Variants in ZMAT3 observed in about 807,000 individuals in gnomAD.
The protein encoded by ZMAT3 is zinc finger matrin-type protein 3.
In ZMAT3, 17 loss-of-function variants were observed where a neutral mutation model predicts 32.3. The observed-to-expected ratio is 0.53, with a 90% confidence interval of 0.36 to 0.79. The LOEUF is 0.79. ZMAT3 is among the 30% of genes least tolerant of loss of function. ZMAT3 has a pLI of 0.00. For synonymous variants in ZMAT3, 120 were observed against 133.1 expected (o/e 0.90, Z 0.68); for missense variants, 329 against 359.7 (o/e 0.91, Z 0.69).
intron 2 of ZMAT3, among the ~76,000 whole-genome samples, chr3:179,036,969 T>C (rs1458549683): frequency 1.3e-5 from 2 of 152,080 alleles, no homozygotes; most frequent in Non-Finnish European, 2.9e-5. Context: ...TCTGAGCCCA[T>C]AAAAATCCCA....
In ZMAT3 at chr3:179,020,563, A is replaced by T. The variant is rs1296430461; in HGVS notation, c.*4454T>A. The T allele has an allele frequency of 6.6e-6, 1 of 152,250 alleles. No individual in the cohort carries two copies. The highest frequency in any genetic ancestry group is 2.4e-5 in the African/African-American group (1 of 41,476). The allele number at this position is 152,250 out of a possible 1,614,324, so 9.4% of individuals were successfully genotyped here. The stretch of plus-strand genomic sequence containing the variant: ...AAACATCTGTTCAAAAGCCTGCATT[A>T]AACTTTTATCTGTCCTGACAAAACA... On this transcript the variant is annotated 3_prime_UTR_variant, in exon 6 of 6. Transcript: ENST00000311417.
At chr3:179,071,178 G>A (rs1721692954) in intron 1 of ZMAT3, 3 of 152,254 alleles carry the variant, frequency 2.0e-5, no homozygotes, top group Non-Finnish European at 4.4e-5. Context: ...TGGTGAATTG[G>A]CGAATGTTTT....
intron 2 of ZMAT3, among the ~76,000 whole-genome samples, chr3:179,037,020 C>A (rs913571245): frequency 1.3e-5 from 2 of 152,226 alleles, no homozygotes; most frequent in Non-Finnish European, 2.9e-5. Context: ...TGGGTCCCCT[C>A]TCACACACAG....
At chr3:179,035,031 T>C (rs936901681) in intron 2 of ZMAT3, among the ~76,000 whole-genome samples, 10 of 152,214 alleles carry the variant, frequency 6.6e-5, no homozygotes, top group Non-Finnish European at 1.2e-4. Context: ...TTCTCCTCAT[T>C]ATAAACCCAA....
At chr3:179,054,887 CTAAT>C (rs1720755031) in intron 2 of ZMAT3, among the ~76,000 whole-genome samples, 1 of 152,222 alleles carries the variant, frequency 6.6e-6, no homozygotes, top group Admixed American at 6.5e-5. Context: ...CGGGTTCATC[CTAAT>C]TGAGCTGAAC....
intron 2 of ZMAT3, among the ~76,000 whole-genome samples, chr3:179,034,925 G>GT (rs772972281): frequency 1.3e-5 from 2 of 152,278 alleles, no homozygotes; most frequent in East Asian, 3.9e-4. Context: ...GTAATCCAAG[G>GT]TACCAACATT....
chr3:179,071,009 T>A (rs1721681325), intron 1 of ZMAT3, among the ~76,000 whole-genome samples: 1 of 151,682 alleles, frequency 6.6e-6, no homozygotes, highest in Admixed American at 6.6e-5. Flanking sequence ...ATTCTGGAAA[T>A]GAGGGAAAGG....
At chr3:179,032,531 G>A (rs183195173) in intron 2 of ZMAT3, among the ~76,000 whole-genome samples, 7 of 148,866 alleles carry the variant, frequency 4.7e-5, no homozygotes, top group South Asian at 2.2e-4. Flanking sequence ...GCCTCTTCCC[G>A]GCCATCATCC....
intron 1 of ZMAT3, among the ~76,000 whole-genome samples, chr3:179,069,296 G>A (rs866329458): frequency 6.6e-6 from 1 of 151,902 alleles, no homozygotes; most frequent in Non-Finnish European, 1.5e-5. Context: ...GACCCAAAAT[G>A]TTCCTCTCCC....
intron 2 of ZMAT3, among the ~76,000 whole-genome samples, chr3:179,038,226 G>A (rs537234702): frequency 2.0e-5 from 3 of 152,154 alleles, no homozygotes; most frequent in South Asian, 2.1e-4. Context: ...TGGAGTTTAC[G>A]AACGAGGTCA....
At chr3:179,055,150 C>T (rs559572036) in intron 2 of ZMAT3, among the ~76,000 whole-genome samples, 1 of 152,104 alleles carries the variant, frequency 6.6e-6, no homozygotes, top group African/African-American at 2.4e-5. Flanking sequence ...AAACATTCCC[C>T]CCAAGGCAAA....
At chr3:179,065,832 G>A (rs752248529) in intron 2 of ZMAT3, among the ~76,000 whole-genome samples, 10 of 152,192 alleles carry the variant, frequency 6.6e-5, no homozygotes, top group South Asian at 2.1e-4. Context: ...CTTGAACCCC[G>A]GAGACAGGGG....
rs755198542 is a variant in ZMAT3 at position 179,067,785 on chromosome 3, G to A, written c.-33C>T. The A allele has an allele frequency of 3.7e-6, 6 of 1,606,290 alleles. No homozygotes were observed. The South Asian group carries it at 6.6e-5, about 18-fold the overall frequency. Reference sequence around the variant, plus strand: ...GGAAGCCTGGGGCATAATCCAGTGGGTGATGAGAAGCAAGGTCTTCAAATC... The same window carrying A: ...GGAAGCCTGGGGCATAATCCAGTGGATGATGAGAAGCAAGGTCTTCAAATC... On this transcript the variant is annotated 5_prime_UTR_variant, in exon 2 of 6. Coordinates refer to ENST00000311417, the MANE Select transcript of ZMAT3 (RefSeq NM_022470.4).
chr3:179,045,299 C>G (rs527424584), intron 2 of ZMAT3, among the ~76,000 whole-genome samples: 1 of 152,086 alleles, frequency 6.6e-6, no homozygotes, highest in African/African-American at 2.4e-5. Context: ...CTAGGTATTA[C>G]GAAACAGAAA....
intron 2 of ZMAT3, among the ~76,000 whole-genome samples, chr3:179,045,048 T>A (rs1720156095): frequency 6.6e-6 from 1 of 151,278 alleles, no homozygotes; most frequent in Non-Finnish European, 1.5e-5. Flanking sequence ...ATAATAATAA[T>A]AAATAAAATT....
intron 2 of ZMAT3, among the ~76,000 whole-genome samples, chr3:179,031,532 G>A (rs1002915877): frequency 2.8e-4 from 42 of 152,158 alleles, no homozygotes; most frequent in Non-Finnish European, 1.3e-4. Flanking sequence ...CTACTCTTTG[G>A]CTCTAACAGA....
intron 2 of ZMAT3, among the ~76,000 whole-genome samples, 159 bp from the exon 3 acceptor site, chr3:179,031,158 C>A (rs1002884969): frequency 2.0e-5 from 3 of 151,260 alleles, no homozygotes; most frequent in Admixed American, 1.3e-4. Flanking sequence ...TATAATTGTT[C>A]TTTTTTCTAA....
intron 2 of ZMAT3, among the ~76,000 whole-genome samples, chr3:179,056,220 G>C (rs1371597018): frequency 6.6e-6 from 1 of 152,042 alleles, no homozygotes; most frequent in Non-Finnish European, 1.5e-5. Flanking sequence ...TCAAAAGTCT[G>C]CCTTAGGCCC....
rs1164517696 is a variant in ZMAT3, at chr3:179,023,710, A to ATTTTTTTTTTTTT, written c.*1294_*1306dup. On this transcript the variant is annotated 3_prime_UTR_variant, in exon 6 of 6. Transcript: ENST00000311417. ...GGAAAATATATCTATATATATATATATTTTTTTTTTTTTTTTTTTTTTTTT... is the reference window on the plus strand; with the variant it reads ...GGAAAATATATCTATATATATATATATTTTTTTTTTTTTTTTTTTTTTTTTTTTTTTTTTTTTT... 8.0e-5 allele frequency: 2 copies of ATTTTTTTTTTTTT among 25,058 alleles called. 1 individual carries two copies. Among genetic ancestry groups the ATTTTTTTTTTTTT allele is most frequent in the African/African-American group, 5.4e-4 (2 of 3,682 alleles). 1.6% of individuals were successfully genotyped at this position (25,058 alleles called of 1,614,324 possible).
Sources: allele counts gnomAD v4.1 joint callset (sites outside exome capture counted in the v4.1 genomes callset), GRCh38; gene constraint gnomAD v4.1.1; transcripts MANE v1.5; gene names NCBI Gene and HGNC (gene_info 2026-07-23, HGNC 2026-07-21).